Variants in APC observed in about 807,000 individuals in gnomAD.
APC encodes the protein adenomatous polyposis coli protein.
In APC, 72 loss-of-function variants were observed where a neutral mutation model predicts 247.0. The observed-to-expected ratio is 0.29, with a 90% CI of 0.24 to 0.35. The LOEUF (loss-of-function observed/expected upper bound fraction) is 0.35, where lower values mean the gene tolerates loss of function less well. Among genes scored for constraint, APC ranks in the 10% least tolerant of loss-of-function variants. The pLI is 1.00. For missense variants in APC, 3,400 were observed against 3,360.7 expected, an observed-to-expected ratio of 1.01 and a Z score of -0.29; for synonymous variants, 1,254 against 1,162.5, an observed-to-expected ratio of 1.08 and a Z score of -1.60.
At position 112,841,209 on chromosome 5, in the gene APC, T is replaced by A. The variant is rs748389037; in HGVS notation, c.5615T>A (p.Val1872Asp). 1.9e-6 allele frequency: 3 copies of A among 1,613,990 alleles called. No homozygotes were observed. Among genetic ancestry groups the A allele is most frequent in the Middle Eastern group, 1.6e-4 (1 of 6,062 alleles). Residue 1872 changes from valine (V) to aspartate (D), a missense_variant, in exon 16 of 16, where the codon GTT becomes GAT. By Grantham distance (152) the Val-to-Asp change is radical. Transcript: ENST00000257430. This position sits in a 1 kb window ranked among gnomAD's most constrained non-coding sequence, Gnocchi z 4.6. ...TCTCTAGATTTTGATGATGATGATG[T>A]TGACCTTTCCAGGGAAAAGGCTGAA... ...LSSLDFDDDD[V>D]DLSREKAELR...
Position 112,766,364 on chromosome 5 carries a change from A to C in APC, c.174A>C (p.Glu58Asp). 6.2e-7 allele frequency: 1 copy of C among 1,612,136 alleles called. No homozygotes were observed. The change falls in exon 3 of 16, where the codon GAA (glutamate) becomes GAC (aspartate). Residue 58 changes from glutamate (E) to aspartate (D), a missense_variant. Glu to Asp is a conservative substitution (Grantham distance 45). Coordinates refer to ENST00000257430, the MANE Select transcript of APC (RefSeq NM_000038.6). Reference protein sequence around the residue: ...LKQLQGSIEDEAMASSGQIDL... With the variant: ...LKQLQGSIEDDAMASSGQIDL... ...AACTACAAGGAAGTATTGAAGATGA[A>C]GCTATGGCTTCTTCTGGACAGATTG...
At chr5:112,743,469 G>T (rs527891026) in intron 1 of APC, among the ~76,000 whole-genome samples, 15 of 152,196 alleles carry the variant, frequency 9.9e-5, no homozygotes, top group African/African-American at 3.4e-4. Flanking sequence ...TTTTGCGAAT[G>T]TGTGTTACTT....
chr5:112,838,492 T>C lies in APC; in HGVS notation c.2898T>C (p.Ser966=), dbSNP rs876660579. ...YKRSSNDSLN[S]VSSSDGYGKR... is the part of the protein sequence containing the mutation. ...GATCTTCAAATGATAGTTTAAATAG[T>C]GTCAGTAGTAGTGATGGTTATGGTA... The change falls in exon 16 of 16, where the codon AGT becomes AGC. Residue 966 remains serine, a synonymous_variant. Coordinates refer to ENST00000257430, the MANE Select transcript of APC (RefSeq NM_000038.6). The C allele has an allele frequency of 5.6e-6, 9 of 1,614,180 alleles. No individual in the cohort carries two copies. The highest frequency in any genetic ancestry group is 6.8e-6 in the Non-Finnish European group (8 of 1,180,030).
Position 112,844,869 on chromosome 5 carries a change from G to A in APC, c.*743G>A. The A allele has an allele frequency of 4.3e-6, 1 of 232,378 alleles. No individual in the cohort carries two copies. The highest frequency in any genetic ancestry group is 6.1e-5 in the East Asian group (1 of 16,324). The allele number at this position is 232,378 out of a possible 1,614,324, so 14.4% of individuals were successfully genotyped here. ...AATTTTTGCTATGCTGTAATTTGTTGTATATTCTGGTATTTGAGGTGAGAT... is the reference window on the plus strand; with the variant it reads ...AATTTTTGCTATGCTGTAATTTGTTATATATTCTGGTATTTGAGGTGAGAT... On this transcript the variant is annotated 3_prime_UTR_variant, in exon 16 of 16. Coordinates refer to ENST00000257430, the MANE Select transcript of APC (RefSeq NM_000038.6).
intron 5 of APC, among the ~76,000 whole-genome samples, chr5:112,777,087 C>A (rs1270318177): frequency 1.3e-5 from 2 of 152,100 alleles, no homozygotes; most frequent in Non-Finnish European, 2.9e-5. Context: ...CAATTAAAAT[C>A]ATTCATTTAA....
intron 6 of APC, among the ~76,000 whole-genome samples, chr5:112,787,329 A>AG (rs1161369956): frequency 6.6e-6 from 1 of 152,216 alleles, no homozygotes; most frequent in Non-Finnish European, 1.5e-5. Context: ...TAGCATATAT[A>AG]TCTAAAAGCA....
chr5:112,745,998 C>T (rs1753629188), intron 1 of APC, among the ~76,000 whole-genome samples: 1 of 151,692 alleles, frequency 6.6e-6, no homozygotes, highest in South Asian at 2.1e-4. Context: ...TGGTAAACAC[C>T]AATAAAATAA....
chr5:112,778,985 CAT>C (rs2149632026), intron 5 of APC, among the ~76,000 whole-genome samples: 1 of 152,240 alleles, frequency 6.6e-6, no homozygotes, highest in East Asian at 1.9e-4. Flanking sequence ...GTTTTGAAAA[CAT>C]GTAGCTAGCC....
rs544418168 is a variant in APC, at chr5:112,800,057, T to G, written c.730-1222T>G. ...ATTTGTCAATTTTACCTTTATTATT[T>G]CTGTCATTATTTGACAGTGTCCCTG... On this transcript the variant is annotated intron_variant, in intron 7 of 15. Coordinates refer to ENST00000257430, the MANE Select transcript of APC (RefSeq NM_000038.6). Among the ~76,000 whole-genome samples the G allele has an allele frequency of 2.0e-5, 3 of 152,332 alleles. No homozygotes were observed. The South Asian group carries it at 6.2e-4, about 32-fold the overall frequency.
chr5:112,758,488 G>A (rs1377268867), intron 2 of APC, among the ~76,000 whole-genome samples: 4 of 152,150 alleles, frequency 2.6e-5, no homozygotes, highest in South Asian at 2.1e-4. Flanking sequence ...CACCACGCCC[G>A]GCTAATTTTT....
chr5:112,813,959 C>G (rs927012299), intron 8 of APC, among the ~76,000 whole-genome samples: 1 of 152,128 alleles, frequency 6.6e-6, no homozygotes, highest in Admixed American at 6.6e-5. Context: ...ATCTGAAAGA[C>G]AATTCGAATG....
At chr5:112,779,133 TAAC>T (rs1758048016) in intron 5 of APC, among the ~76,000 whole-genome samples, 1 of 152,146 alleles carries the variant, frequency 6.6e-6, no homozygotes, top group South Asian at 2.1e-4. Flanking sequence ...TGTTAACACT[TAAC>T]AGTGCTCCTG....
chr5:112,772,042 A>G (rs1034881486), intron 4 of APC, among the ~76,000 whole-genome samples: 8 of 152,308 alleles, frequency 5.3e-5, no homozygotes, highest in South Asian at 2.1e-4. Context: ...ACAGCATTCA[A>G]TAATGTTAGG....
rs1349595010 is a variant in APC, at chr5:112,819,357, T to C, written c.1312+13T>C. On this transcript the variant is annotated intron_variant, in intron 10 of 15. Coordinates refer to ENST00000257430, the MANE Select transcript of APC (RefSeq NM_000038.6). Reference sequence around the variant, plus strand: ...GACAAAAATCCAAGTATGTTCTCTATAGTGTACATCGTAGTGCATGTTTCA... The same window carrying C: ...GACAAAAATCCAAGTATGTTCTCTACAGTGTACATCGTAGTGCATGTTTCA... 10 of 1,614,024 alleles carry C rather than the reference T, an allele frequency of 6.2e-6. No homozygotes were observed. The highest frequency in any genetic ancestry group is 2.2e-5 in the East Asian group (1 of 44,874).
chr5:112,772,507 T>G (rs1310403004), intron 4 of APC, among the ~76,000 whole-genome samples: 1 of 151,040 alleles, frequency 6.6e-6, no homozygotes, highest in African/African-American at 2.4e-5. Flanking sequence ...GCACTTTTAA[T>G]GCCCAGCTCT....
Position 112,842,497 on chromosome 5 carries a change from A to G in APC, c.6903A>G (p.Arg2301=), listed in dbSNP as rs1057520984. The G allele has an allele frequency of 6.2e-6, 10 of 1,614,050 alleles. No individual in the cohort carries two copies. The highest frequency in any genetic ancestry group is 1.1e-5 in the South Asian group (1 of 91,080). ...QIGGSSKAPS[R]SGSRDSTPSR... ...GTGGGTCAAGTAAAGCACCTTCTAG[A>G]TCAGGATCTAGAGATTCGACCCCTT... The change falls in exon 16 of 16, where the codon AGA becomes AGG. Residue 2301 remains arginine (R), a synonymous_variant. Coordinates refer to ENST00000257430, the MANE Select transcript of APC (RefSeq NM_000038.6).
rs1580628561 is a variant in APC, at chr5:112,838,483, T to C, written c.2889T>C (p.Ser963=). 1 of 1,614,090 alleles carries C rather than the reference T, an allele frequency of 6.2e-7. No individual in the cohort carries two copies. Among genetic ancestry groups the C allele is most frequent in the African/African-American group, 1.3e-5 (1 of 74,946 alleles). Residue 963 remains serine, a synonymous_variant, in exon 16 of 16, where the codon AGT becomes AGC. Coordinates refer to ENST00000257430, the MANE Select transcript of APC (RefSeq NM_000038.6). ...KLEYKRSSND[S]LNSVSSSDGY... ...AATACAAGAGATCTTCAAATGATAG[T>C]TTAAATAGTGTCAGTAGTAGTGATG...
rs1766619387 is a variant in APC at position 112,843,594 on chromosome 5, A to G, written c.8000A>G (p.Asn2667Ser). 6.2e-7 allele frequency: 1 copy of G among 1,614,052 alleles called. No individual in the cohort carries two copies. Among genetic ancestry groups the G allele is most frequent in the Non-Finnish European group, 8.5e-7 (1 of 1,179,936 alleles). ...VWVRIEDCPINNPRSGRSPTG... is the reference protein window; with the variant it reads ...VWVRIEDCPISNPRSGRSPTG... ...GTGAGAATTGAGGACTGTCCCATTA[A>G]CAATCCTAGATCTGGAAGATCTCCC... is the stretch of plus-strand genomic sequence containing the variant. The change falls in exon 16 of 16, where the codon AAC (asparagine) becomes AGC (serine). Residue 2667 changes from asparagine (N) to serine (S), a missense_variant. Asn to Ser is a conservative substitution (Grantham distance 46). Around this residue, in one of 9 missense-constraint regions of APC, gnomAD observed 1,788 missense variants for 1,649.5 expected, o/e 1.08. Coordinates refer to ENST00000257430, the MANE Select transcript of APC (RefSeq NM_000038.6). This position sits in a 1 kb window ranked among gnomAD's most constrained non-coding sequence, Gnocchi z 4.8.
chr5:112,790,849 A>G (rs911492267), intron 6 of APC, among the ~76,000 whole-genome samples: 4 of 152,180 alleles, frequency 2.6e-5, no homozygotes, highest in African/African-American at 9.7e-5. Flanking sequence ...GAAATATTTT[A>G]TTGATGGAGA....
Sources: gnomAD v4.1 joint callset for allele counts (sites outside exome capture counted in the v4.1 genomes callset) on GRCh38, gnomAD v4.1.1 for gene constraint, gnomAD v4.1.1 regional missense constraint, Gnocchi (gnomAD v3.1) non-coding constraint, MANE v1.5 for transcripts, NCBI Gene and HGNC (gene_info 2026-07-23, HGNC 2026-07-21) for gene names.